The following AMZ1 variants were observed in gnomAD, a reference collection of about 807,000 sequenced individuals.
The protein encoded by AMZ1 is archaemetzincin-1.
Under a neutral mutation model 29.9 loss-of-function variants are expected in AMZ1, and 39 were observed. The ratio of observed to expected loss-of-function variants is 1.30; its 90% CI spans 1.01 to 1.70. The LOEUF (loss-of-function observed/expected upper bound fraction) is 1.70. AMZ1 is among the 40% of genes most tolerant of loss of function. AMZ1 has a pLI of 0.00. For missense variants in AMZ1, 1,041 were observed against 680.6 expected, an observed-to-expected ratio of 1.53 and a Z score of -5.89; for synonymous variants, 458 against 304.0, an observed-to-expected ratio of 1.51 and a Z score of -5.27.
intron 4 of AMZ1, among the ~76,000 whole-genome samples, chr7:2,732,280 G>C (rs370975384): frequency 2.6e-5 from 4 of 152,082 alleles, no homozygotes; most frequent in African/African-American, 9.7e-5. Flanking sequence ...GGCCAGGCAC[G>C]GTGGCTCACA....
chr7:2,740,938 A>G (rs549537327), intron 4 of AMZ1, among the ~76,000 whole-genome samples: 2 of 152,148 alleles, frequency 1.3e-5, no homozygotes, highest in Non-Finnish European at 2.9e-5. Flanking sequence ...CCAGCTACTC[A>G]GGAAGCTAAG....
At chr7:2,736,694 T>A (rs566894417) in intron 4 of AMZ1, among the ~76,000 whole-genome samples, 1 of 152,110 alleles carries the variant, frequency 6.6e-6, no homozygotes, top group Non-Finnish European at 1.5e-5. Context: ...CCTTCAGCAG[T>A]TTCTGGAAGC....
In AMZ1 at chr7:2,700,646, C is replaced by A. The variant is rs761194583; in HGVS notation, c.195C>A (p.Asp65Glu). 1.9e-5 allele frequency: 30 copies of A among 1,612,008 alleles called. No individual in the cohort carries two copies. The highest frequency in any genetic ancestry group is 6.7e-5 in the African/African-American group (5 of 74,948). The change falls in exon 2 of 7, where the codon GAC becomes GAA. Residue 65 changes from aspartate (D) to glutamate (E), a missense_variant. Coordinates refer to ENST00000683327, the MANE Select transcript of AMZ1 (RefSeq NM_001384743.1). Reference sequence around the variant, plus strand: ...CCCTGCTCATCCGCACGGGCTTCGACTGGCTCCTGAGCCGACCCGAGGCTC... The same window carrying A: ...CCCTGCTCATCCGCACGGGCTTCGAATGGCTCCTGAGCCGACCCGAGGCTC... ...FCTLLIRTGFDWLLSRPEAPE... is the reference protein window; with the variant it reads ...FCTLLIRTGFEWLLSRPEAPE...
rs752975998 is a variant in AMZ1, at chr7:2,691,608, G to A, written c.-219+3312G>A. On this transcript the variant is annotated intron_variant, in intron 1 of 6. Transcript: ENST00000683327. ...ATACAAAAATAAGCTGGGTGTGGTC[G>A]TGAGCGCCTGCAGTCCCAGCTGTTC... Among the ~76,000 whole-genome samples the A allele has an allele frequency of 2.8e-4, 41 of 147,356 alleles. 3 individuals carry two copies. Among genetic ancestry groups the A allele is most frequent in the Admixed American group, 1.1e-3 (17 of 15,028 alleles).
At chr7:2,708,744 TG>T in intron 4 of AMZ1, 28 bp downstream of exon 4, 1 of 1,611,246 alleles carries the variant, frequency 6.2e-7, no homozygotes. Context: ...CAGCTGTGCG[TG>T]GGGGGTAGCC....
chr7:2,709,042 CCT>C (rs759522759), intron 4 of AMZ1, 31 bp from the exon 5 acceptor site: 7 of 1,535,690 alleles, frequency 4.6e-6, no homozygotes, highest in Admixed American at 2.1e-5. Context: ...AAGGCTGACC[CCT>C]GAGAGTGCCC....
chr7:2,704,218 T>G lies in AMZ1; in HGVS notation c.472+1329T>G, dbSNP rs539168044. On this transcript the variant is annotated intron_variant, in intron 3 of 6. Transcript: ENST00000683327. ...CTAAGGTACTCTTAAACCCATATATTGAGGCTGGACATGGTGGCTCACACA... is the reference window on the plus strand; with the variant it reads ...CTAAGGTACTCTTAAACCCATATATGGAGGCTGGACATGGTGGCTCACACA... Among the ~76,000 whole-genome samples the G allele has an allele frequency of 1.5e-3, 232 of 152,256 alleles. 1 individual carries two copies. The highest frequency in any genetic ancestry group is 0.01 in the Middle Eastern group (3 of 294).
In AMZ1 at chr7:2,700,623, C is replaced by A. The variant is rs754107925; in HGVS notation, c.172C>A (p.Leu58Met). Residue 58 changes from leucine (L) to methionine (M), a missense_variant, in exon 2 of 7, where the codon CTG becomes ATG. Physicochemically the swap from Leu to Met is conservative, Grantham distance 15. Transcript: ENST00000683327. Reference sequence around the variant, plus strand: ...CCCGCAGAGGACGCTCTTCTGCACCCTGCTCATCCGCACGGGCTTCGACTG... The same window carrying A: ...CCCGCAGAGGACGCTCTTCTGCACCATGCTCATCCGCACGGGCTTCGACTG... ...YNPQRTLFCT[L>M]LIRTGFDWLL... The A allele has an allele frequency of 2.5e-6, 4 of 1,611,262 alleles. No individual in the cohort carries two copies. The highest frequency in any genetic ancestry group is 1.7e-5 in the Admixed American group (1 of 60,024).
At chr7:2,690,830 G>A (rs1329761463) in intron 1 of AMZ1, among the ~76,000 whole-genome samples, 2 of 152,126 alleles carry the variant, frequency 1.3e-5, no homozygotes, top group African/African-American at 2.4e-5. Flanking sequence ...TAGGGCTTGT[G>A]AACTTTTGGT....
upstream of AMZ1, among the ~76,000 whole-genome samples, chr7:2,687,253 G>T (rs1445629342): frequency 1.3e-5 from 2 of 152,044 alleles, no homozygotes; most frequent in African/African-American, 4.8e-5. Flanking sequence ...CTTGAACCCC[G>T]GAGGTGGAGG....
chr7:2,690,105 G>A (rs748610575), intron 1 of AMZ1, among the ~76,000 whole-genome samples: 16 of 152,270 alleles, frequency 1.1e-4, no homozygotes, highest in African/African-American at 3.1e-4. Flanking sequence ...AGCTGTACCC[G>A]TGTTAAGGGA....
chr7:2,731,262 G>A lies in AMZ1; in HGVS notation n.550+21446G>A. 1.2e-6 allele frequency: 2 copies of A among 1,613,866 alleles called. No individual in the cohort carries two copies. The highest frequency in any genetic ancestry group is 1.7e-6 in the Non-Finnish European group (2 of 1,179,956). ...GGAACACGAAGCGGACGTTCTCGGTGTCGATGGCGGTGGTGAAGTGGTGGA... is the reference window on the plus strand; with the variant it reads ...GGAACACGAAGCGGACGTTCTCGGTATCGATGGCGGTGGTGAAGTGGTGGA... On this transcript the variant is annotated intron_variant and non_coding_transcript_variant, in intron 4 of 4. Coordinates refer to the AMZ1 transcript ENST00000489665. The surrounding 1 kb of genome is among the most constrained non-coding windows in gnomAD (Gnocchi z 6.0).
intron 4 of AMZ1, among the ~76,000 whole-genome samples, chr7:2,732,913 T>G (rs1789973457): frequency 6.6e-6 from 1 of 152,066 alleles, no homozygotes; most frequent in Non-Finnish European, 1.5e-5. Flanking sequence ...CAAAGCAAAA[T>G]CAACATGAAA....
upstream of AMZ1, chr7:2,688,114 C>A (rs897567303): frequency 6.6e-6 from 1 of 152,222 alleles, no homozygotes; most frequent in African/African-American, 2.4e-5. Flanking sequence ...AGGGGTGTGG[C>A]CCTCCTGTCC....
At chr7:2,684,323 A>T (rs1365247999), upstream of AMZ1, among the ~76,000 whole-genome samples, 1 of 152,128 alleles carries the variant, frequency 6.6e-6, no homozygotes, top group Non-Finnish European at 1.5e-5. Context: ...TCCTTACTTT[A>T]ACCATATCTG....
At chr7:2,681,033 C>T (rs143508640) in intron 1 of AMZ1, among the ~76,000 whole-genome samples, 6 of 152,206 alleles carry the variant, frequency 3.9e-5, no homozygotes, top group East Asian at 3.9e-4. Context: ...CGCTGAGCAC[C>T]GACTGTTTGC....
rs554761310 is a variant in AMZ1 at position 2,738,450 on chromosome 7, G to A, written n.551-26262G>A. ...GGCGAAGGAGAAGAGCTCCGTGGCT[G>A]GAAGGAGGTTTCCGATACCCACTGC... On this transcript the variant is annotated intron_variant and non_coding_transcript_variant, in intron 4 of 4. Coordinates refer to the AMZ1 transcript ENST00000489665. 4.7e-4 allele frequency among the ~76,000 whole-genome samples: 71 copies of A among 152,314 alleles called. No individual in the cohort carries two copies. The South Asian group carries it at 0.014, about 30-fold the overall frequency.
chr7:2,762,827 A>C (rs1239863488), upstream of AMZ1: 1 of 1,514,292 alleles, frequency 6.6e-7, no homozygotes, highest in Non-Finnish European at 8.9e-7. Flanking sequence ...TCCGCCACAC[A>C]CCCAGTCAGC....
Position 2,746,470 on chromosome 7 carries a change from C to T in AMZ1, n.551-18242C>T, listed in dbSNP as rs1264135463. ...AAATAAAGATGTTCTTTGAAACCAACGAGAACAAAGACACAACATACCAGA... is the reference window on the plus strand; with the variant it reads ...AAATAAAGATGTTCTTTGAAACCAATGAGAACAAAGACACAACATACCAGA... On this transcript the variant is annotated intron_variant and non_coding_transcript_variant, in intron 4 of 4. Transcript: ENST00000489665. Among the ~76,000 whole-genome samples the T allele has an allele frequency of 2.0e-4, 30 of 152,110 alleles. No homozygotes were observed. In the East Asian group the frequency reaches 3.1e-3, roughly 16 times the overall value.
Sources: gnomAD v4.1 joint callset for allele counts (sites outside exome capture counted in the v4.1 genomes callset) on GRCh38, gnomAD v4.1.1 for gene constraint, Gnocchi (gnomAD v3.1) non-coding constraint, MANE v1.5 for transcripts, NCBI Gene and HGNC (gene_info 2026-07-23, HGNC 2026-07-21) for gene names.